CLUL1: variants seen among roughly 807,000 people sequenced by gnomAD.
CLUL1 encodes the protein clusterin-like protein 1.
CLUL1 carries 43 observed loss-of-function variants against 49.4 expected under a neutral mutation model. That is an observed-to-expected ratio of 0.87 (90% CI 0.68 to 1.12). The LOEUF is 1.12. Among genes scored for constraint, CLUL1 ranks in the 50% most tolerant of loss-of-function variants. The probability of loss-of-function intolerance (pLI) is 0.00; values close to 1 mark genes in which losing one functional copy is unlikely to be tolerated. For missense variants in CLUL1, 486 were observed against 544.4 expected (o/e 0.89, Z 1.07); for synonymous variants, 192 against 184.9 (o/e 1.04, Z -0.31).
At chr18:624,538 C>CAG (rs1272680391) in intron 4 of CLUL1, among the ~76,000 whole-genome samples, 5 of 152,182 alleles carry the variant, frequency 3.3e-5, no homozygotes, top group African/African-American at 1.2e-4. Flanking sequence ...AGGTAAATCA[C>CAG]AGTTGTTCCC....
At position 607,052 on chromosome 18, in the gene CLUL1, G is replaced by A. The variant is rs1284036454; in HGVS notation, c.-61G>A. On this transcript the variant is annotated 5_prime_UTR_variant, in exon 2 of 10. Transcript: ENST00000692774. ...GCTCACTGAAGCCTCAAATTCCTGG[G>A]TTCAAGTGACCCTCCTACCTCAGCC... 2.9e-6 allele frequency: 2 copies of A among 701,682 alleles called. No individual in the cohort carries two copies. Among genetic ancestry groups the A allele is most frequent in the African/African-American group, 1.7e-5 (1 of 57,274 alleles). The allele number at this position is 701,682 out of a possible 1,614,324, so 43.5% of individuals were successfully genotyped here.
intron 6 of CLUL1, among the ~76,000 whole-genome samples, chr18:629,585 G>T (rs991258800): frequency 1.3e-5 from 2 of 152,120 alleles, no homozygotes; most frequent in Admixed American, 1.3e-4. Context: ...ACAGCTGGGG[G>T]CCAGCCCTAC....
At chr18:645,828 T>A (rs865907228) in intron 9 of CLUL1, among the ~76,000 whole-genome samples, 10,389 of 74,818 alleles carry the variant, frequency 0.14, 2,057 homozygotes, top group East Asian at 0.27. Context: ...TATATATATA[T>A]ATATATATAT....
intron 8 of CLUL1, among the ~76,000 whole-genome samples, chr18:643,776 A>G (rs1280911146): frequency 1.3e-5 from 2 of 152,204 alleles, no homozygotes; most frequent in Non-Finnish European, 2.9e-5. Context: ...AACTTTTTCC[A>G]TATATCAGAT....
chr18:614,321 G>GGGAA (rs1419728264), intron 2 of CLUL1, among the ~76,000 whole-genome samples: 1,430 of 119,014 alleles, frequency 0.012, 23 homozygotes, highest in African/African-American at 0.039. Flanking sequence ...AAGGGAGGGA[G>GGGAA]GGAAGGAAGG....
chr18:615,945 G>C (rs1257713309), intron 2 of CLUL1, among the ~76,000 whole-genome samples: 2 of 152,182 alleles, frequency 1.3e-5, no homozygotes, highest in Admixed American at 1.3e-4. Flanking sequence ...GCGCCTAAAA[G>C]GCAGGTGGCC....
intron 1 of CLUL1, among the ~76,000 whole-genome samples, chr18:603,920 A>G (rs572171862): frequency 1.3e-5 from 2 of 152,280 alleles, no homozygotes; most frequent in South Asian, 4.2e-4. Flanking sequence ...TCACTCTGTC[A>G]CCCAGGCTGG....
intron 2 of CLUL1, chr18:613,097 C>T (rs1462353816): frequency 2.9e-5 from 11 of 374,552 alleles, no homozygotes; most frequent in Middle Eastern, 7.1e-4. Flanking sequence ...AGATTCAATG[C>T]CTACTTTTGC....
At chr18:648,683 G>GTC (rs1478229421) in intron 9 of CLUL1, among the ~76,000 whole-genome samples, 2 of 152,062 alleles carry the variant, frequency 1.3e-5, no homozygotes, top group African/African-American at 4.8e-5. Flanking sequence ...TTTTGAGACA[G>GTC]TCTCTCTCTG....
rs1180626660 is a variant in CLUL1, at chr18:618,090, C to T, written c.90C>T (p.Ile30=). ...CCACTTGGAAGGACAAAACTGCTAT[C>T]AGTGAAAACCTGAAGAGTACGTTTG... The part of the protein sequence containing the change: ...CAPTWKDKTA[I]SENLKSFSEV... Residue 30 remains isoleucine, a synonymous_variant, in exon 3 of 10, where the codon ATC becomes ATT. Coordinates refer to ENST00000692774, the MANE Select transcript of CLUL1 (RefSeq NM_001393344.1). The surrounding 1 kb of genome is among the most constrained non-coding windows in gnomAD (Gnocchi z 4.2). 4 of 1,613,088 alleles carry T rather than the reference C, an allele frequency of 2.5e-6. No homozygotes were observed. Among genetic ancestry groups the T allele is most frequent in the South Asian group, 2.2e-5 (2 of 91,052 alleles).
intron 4 of CLUL1, among the ~76,000 whole-genome samples, chr18:621,808 C>T (rs556232): frequency 0.71 from 107,236 of 152,078 alleles, 39,238 homozygotes; most frequent in South Asian, 0.82. Context: ...AGTGATTTTC[C>T]GCTTTTCTCA....
chr18:639,889 A>C (rs1188292891), intron 7 of CLUL1, among the ~76,000 whole-genome samples: 1 of 152,156 alleles, frequency 6.6e-6, no homozygotes, highest in Non-Finnish European at 1.5e-5. Flanking sequence ...TGGGTCAAAG[A>C]AGTATAAGAG....
rs1473394376 is a variant in CLUL1, at chr18:618,232, G to A, written c.106+126G>A. On this transcript the variant is annotated intron_variant, in intron 3 of 9. Coordinates refer to ENST00000692774, the MANE Select transcript of CLUL1 (RefSeq NM_001393344.1). This position sits in a 1 kb window ranked among gnomAD's most constrained non-coding sequence, Gnocchi z 4.2. Reference sequence around the variant, plus strand: ...TTTCACGGTGAAACGTTCTCAAGGCGCTTAAACCAGGTCATCCTGACGCCA... The same window carrying A: ...TTTCACGGTGAAACGTTCTCAAGGCACTTAAACCAGGTCATCCTGACGCCA... 3 of 688,132 alleles carry A rather than the reference G, an allele frequency of 4.4e-6. No homozygotes were observed. Among genetic ancestry groups the A allele is most frequent in the Non-Finnish European group, 7.4e-6 (3 of 404,706 alleles). 42.6% of individuals were successfully genotyped at this position (688,132 alleles called of 1,614,324 possible). A position where few individuals can be genotyped will look rare whatever the true frequency, so the allele number is the denominator to read the frequency against.
chr18:610,157 A>G (rs568273), intron 2 of CLUL1, among the ~76,000 whole-genome samples: 126,984 of 152,154 alleles, frequency 0.83, 57,863 homozygotes, highest in East Asian at 1. Flanking sequence ...CACATTTGCC[A>G]GGGTCATAAT....
chr18:636,211 C>T (rs1415623724), intron 7 of CLUL1, among the ~76,000 whole-genome samples: 1 of 152,042 alleles, frequency 6.6e-6, no homozygotes, highest in East Asian at 1.9e-4. Context: ...TAAGATATTC[C>T]TTGACTTAGG....
intron 5 of CLUL1, 53 bp from the exon 6 acceptor site, chr18:627,044 C>G (rs66514874): frequency 2.1e-5 from 1 of 47,078 alleles, no homozygotes. Flanking sequence ...AAGAAAGAGT[C>G]GAGAAAGAAA....
In CLUL1 at chr18:624,930, G is replaced by A; in HGVS notation, c.321G>A (p.Glu107=). ...AGGAAGAAGAAAGGCTATGCCGGGA[G>A]TCTTTGGCAGATTCCTGGGGTGAAT... The part of the protein sequence containing the change: ...HLEEEERLCR[E]SLADSWGECR... The change falls in exon 5 of 10, where the codon GAG becomes GAA. Residue 107 remains glutamate (E), a synonymous_variant. Transcript: ENST00000692774. 1 of 1,614,140 alleles carries A rather than the reference G, an allele frequency of 6.2e-7. No homozygotes were observed. Among genetic ancestry groups the A allele is most frequent in the Non-Finnish European group, 8.5e-7 (1 of 1,179,976 alleles).
chr18:626,034 A>C (rs534642977), intron 5 of CLUL1, among the ~76,000 whole-genome samples: 2 of 152,146 alleles, frequency 1.3e-5, no homozygotes, highest in African/African-American at 4.8e-5. Context: ...TTGGGGCTTT[A>C]AAGGTTTGTT....
In CLUL1 at chr18:618,561, A is replaced by G. The variant is rs2073378879; in HGVS notation, c.106+455A>G. Reference sequence around the variant, plus strand: ...CTTGCAACTTTGCTTGGTGATATATACTTTGGGTACTTAATATATAGAAGA... The same window carrying G: ...CTTGCAACTTTGCTTGGTGATATATGCTTTGGGTACTTAATATATAGAAGA... On this transcript the variant is annotated intron_variant, in intron 3 of 9. Coordinates refer to ENST00000692774, the MANE Select transcript of CLUL1 (RefSeq NM_001393344.1). This position sits in a 1 kb window ranked among gnomAD's most constrained non-coding sequence, Gnocchi z 4.2. 6.6e-6 allele frequency among the ~76,000 whole-genome samples: 1 copy of G among 152,124 alleles called. No homozygotes were observed.
Sources: gnomAD v4.1 joint callset for allele counts (sites outside exome capture counted in the v4.1 genomes callset) on GRCh38, gnomAD v4.1.1 for gene constraint, Gnocchi (gnomAD v3.1) non-coding constraint, MANE v1.5 for transcripts, NCBI Gene and HGNC (gene_info 2026-07-23, HGNC 2026-07-21) for gene names.